Variants in GPHN observed in about 807,000 individuals in gnomAD.
GPHN encodes the protein gephyrin.
Under a neutral mutation model 95.5 loss-of-function variants are expected in GPHN, and 17 were observed. The observed-to-expected ratio is 0.18, with a 90% CI of 0.12 to 0.27. The LOEUF (loss-of-function observed/expected upper bound fraction) is 0.27. Among genes scored for constraint, GPHN ranks in the 10% least tolerant of loss-of-function variants. GPHN has a pLI of 1.00. For missense variants in GPHN, 660 were observed against 978.1 expected, an observed-to-expected ratio of 0.67 and a Z score of 4.34; for synonymous variants, 320 against 322.5, an observed-to-expected ratio of 0.99 and a Z score of 0.08.
chr14:67,451,538 G>A, the GPHN span, among the ~76,000 whole-genome samples: 2 of 152,358 alleles, frequency 1.3e-5, no homozygotes, highest in African/African-American at 2.4e-5. Context: ...GGAATCAAAA[G>A]AGATCATTTT....
the GPHN span, chr14:67,392,612 C>A: frequency 6.5e-7 from 1 of 1,536,606 alleles, no homozygotes; most frequent in South Asian, 1.2e-5. Context: ...TCTGTTGTGT[C>A]TTCCTTAACT....
At chr14:66,543,118 G>A (rs1457284248) in intron 1 of GPHN, among the ~76,000 whole-genome samples, 1 of 152,072 alleles carries the variant, frequency 6.6e-6, no homozygotes, top group Non-Finnish European at 1.5e-5. Flanking sequence ...TACCAAGGGG[G>A]GTTGGTGCTA....
chr14:66,511,765 C>T (rs1015377435), intron 1 of GPHN, among the ~76,000 whole-genome samples: 1 of 151,734 alleles, frequency 6.6e-6, no homozygotes, highest in African/African-American at 2.4e-5. Flanking sequence ...CATTTTTTTG[C>T]TTCATTATTT....
At chr14:66,805,564 G>A (rs1398045152) in intron 3 of GPHN, among the ~76,000 whole-genome samples, 1 of 152,174 alleles carries the variant, frequency 6.6e-6, no homozygotes, top group Non-Finnish European at 1.5e-5. Flanking sequence ...TTACTTCCTA[G>A]GTACAATGTG....
At chr14:67,334,733 A>G in the GPHN span, 1 of 152,250 alleles carries the variant, frequency 6.6e-6, no homozygotes, top group Non-Finnish European at 1.5e-5. Flanking sequence ...CAGATCTGAA[A>G]TACTCCAGTT....
intron 1 of GPHN, among the ~76,000 whole-genome samples, chr14:66,662,907 C>T (rs986656968): frequency 2.0e-5 from 3 of 151,972 alleles, no homozygotes; most frequent in Non-Finnish European, 4.4e-5. Flanking sequence ...TGAAATAAGA[C>T]AGGCATACAG....
the GPHN span, among the ~76,000 whole-genome samples, chr14:67,493,902 A>AT: frequency 0.19 from 28,881 of 151,650 alleles, 2,897 homozygotes; most frequent in Non-Finnish European, 0.22. Context: ...TTTAAAAATA[A>AT]TTTTTTTTTA....
At chr14:67,504,597 A>T in the GPHN span, among the ~76,000 whole-genome samples, 1 of 152,186 alleles carries the variant, frequency 6.6e-6, no homozygotes, top group South Asian at 2.1e-4. Context: ...AATAAATAAA[A>T]AACAATAGGC....
At chr14:67,474,994 C>A in the GPHN span, among the ~76,000 whole-genome samples, 1 of 148,256 alleles carries the variant, frequency 6.7e-6, no homozygotes, top group Non-Finnish European at 1.5e-5. Context: ...TGGCTCACTG[C>A]AACCTCCGCC....
chr14:66,614,096 A>G (rs1304293968), intron 1 of GPHN, among the ~76,000 whole-genome samples: 1 of 152,174 alleles, frequency 6.6e-6, no homozygotes, highest in Non-Finnish European at 1.5e-5. Flanking sequence ...ATGTGCACAA[A>G]CGTTGGAGCT....
chr14:67,430,733 CAG>C, the GPHN span, among the ~76,000 whole-genome samples: 1 of 152,068 alleles, frequency 6.6e-6, no homozygotes. Context: ...ATGAAAGGCC[CAG>C]AGACCTCAGG....
chr14:67,149,026 CA>C (rs993452905), intron 18 of GPHN, among the ~76,000 whole-genome samples: 3 of 151,730 alleles, frequency 2.0e-5, no homozygotes, highest in African/African-American at 7.3e-5. Flanking sequence ...AAGAGATTTT[CA>C]AAATTATAAA....
rs79041142 is a variant in GPHN, at chr14:66,786,756, C to T, written c.201+10235C>T. 2.8e-3 allele frequency among the ~76,000 whole-genome samples: 425 copies of T among 152,108 alleles called. 3 individuals carry two copies. The highest frequency in any genetic ancestry group is 9.3e-3 in the African/African-American group (386 of 41,528). On this transcript the variant is annotated intron_variant, in intron 3 of 22. Transcript: ENST00000478722. ...CAATAAATCTAATCTACCATGTCAACGAGCTAAAGATGAAAAATCAAATGA... is the reference window on the plus strand; with the variant it reads ...CAATAAATCTAATCTACCATGTCAATGAGCTAAAGATGAAAAATCAAATGA...
At chr14:67,674,274 G>T in the GPHN span, 1 of 1,122,562 alleles carries the variant, frequency 8.9e-7, no homozygotes, top group Non-Finnish European at 1.2e-6. Context: ...AGGACGCGGA[G>T]GGAGGAGACG....
At chr14:67,601,402 G>A in the GPHN span, among the ~76,000 whole-genome samples, 11 of 152,206 alleles carry the variant, frequency 7.2e-5, no homozygotes, top group African/African-American at 2.4e-4. Context: ...GTCTGGTAAG[G>A]AGTTTGGATT....
chr14:66,919,782 T>C (rs2066109446), intron 6 of GPHN, among the ~76,000 whole-genome samples: 1 of 151,876 alleles, frequency 6.6e-6, no homozygotes, highest in Admixed American at 6.6e-5. Context: ...ATTAAGTAGA[T>C]TTGGCCAGGC....
intron 1 of GPHN, among the ~76,000 whole-genome samples, chr14:66,547,371 C>A (rs1257958129): frequency 6.6e-6 from 1 of 152,080 alleles, no homozygotes; most frequent in South Asian, 2.1e-4. Flanking sequence ...CATAGCAGGT[C>A]TTTTCTATTG....
At chr14:67,722,703 T>A in the GPHN span, 4 of 1,613,402 alleles carry the variant, frequency 2.5e-6, no homozygotes, top group African/African-American at 5.3e-5. Flanking sequence ...GGTAGCTCCA[T>A]CCATCAGGTT....
At chr14:67,569,330 G>C in the GPHN span, 1 of 676,364 alleles carries the variant, frequency 1.5e-6, no homozygotes, top group East Asian at 2.6e-5. Context: ...GGCCTACCCT[G>C]TTCCCCTCCC....
Sources: allele counts gnomAD v4.1 joint callset (sites outside exome capture counted in the v4.1 genomes callset), GRCh38; gene constraint gnomAD v4.1.1; transcripts MANE v1.5; gene names NCBI Gene and HGNC (gene_info 2026-07-23, HGNC 2026-07-21).